ATP9B: variants seen among roughly 807,000 people sequenced by gnomAD.
The protein encoded by ATP9B is probable phospholipid-transporting ATPase IIB.
Under a neutral mutation model 146.1 loss-of-function variants are expected in ATP9B, and 110 were observed. The ratio of observed to expected loss-of-function variants is 0.75; its 90% CI spans 0.65 to 0.88. The LOEUF (loss-of-function observed/expected upper bound fraction) is 0.88. Among genes scored for constraint, ATP9B ranks in the 40% least tolerant of loss-of-function variants. The pLI is 0.00. For synonymous variants in ATP9B, 604 were observed against 569.7 expected (o/e 1.06, Z -0.86); for missense variants, 1,499 against 1,496.4 (o/e 1.00, Z -0.03).
At position 79,307,194 on chromosome 18, in the gene ATP9B, G is replaced by A; in HGVS notation, c.1733G>A (p.Ser578Asn). 1 of 1,614,264 alleles carries A rather than the reference G, an allele frequency of 6.2e-7. No homozygotes were observed. The highest frequency in any genetic ancestry group is 8.5e-7 in the Non-Finnish European group (1 of 1,180,048). ...TTCGCAGAGGCTGACCAAGACTTCA[G>A]TGATGAGAATCGCACCTACCAGGCT... ...TEFAEADQDFSDENRTYQASS... is the reference protein window; with the variant it reads ...TEFAEADQDFNDENRTYQASS... Residue 578 changes from serine to asparagine, a missense_variant, in exon 15 of 30, where the codon AGT (serine) becomes AAT (asparagine). By Grantham distance (46) the Ser-to-Asn change is conservative. Coordinates refer to ENST00000426216, the MANE Select transcript of ATP9B (RefSeq NM_198531.5).
intron 10 of ATP9B, among the ~76,000 whole-genome samples, chr18:79,208,073 G>A (rs962336903): frequency 2.6e-5 from 4 of 152,160 alleles, no homozygotes; most frequent in East Asian, 1.9e-4. Context: ...GTGAAACCCC[G>A]TCTCTACTAA....
intron 13 of ATP9B, among the ~76,000 whole-genome samples, chr18:79,283,065 C>T (rs1184832489): frequency 6.6e-6 from 1 of 152,192 alleles, no homozygotes; most frequent in Non-Finnish European, 1.5e-5. Flanking sequence ...GTATTTACTG[C>T]TAATCGGTTG....
At chr18:79,198,596 A>G (rs1244149815) in intron 9 of ATP9B, among the ~76,000 whole-genome samples, 1 of 152,172 alleles carries the variant, frequency 6.6e-6, no homozygotes, top group Admixed American at 6.5e-5. Context: ...CCTAGGTTAT[A>G]TGGTGTAGCC....
At chr18:79,152,411 G>A (rs1233256915) in intron 6 of ATP9B, among the ~76,000 whole-genome samples, 1 of 152,058 alleles carries the variant, frequency 6.6e-6, no homozygotes, top group Non-Finnish European at 1.5e-5. Context: ...ATGTACTCTG[G>A]TTTGGAGTCT....
In ATP9B at chr18:79,255,474, A is replaced by G. The variant is rs140889141; in HGVS notation, c.1268+1933A>G. ...GTCTCCTTTGTCTCCATACACATGAATGAGCCCTAATCTCCATTGTTGTAT... is the reference window on the plus strand; with the variant it reads ...GTCTCCTTTGTCTCCATACACATGAGTGAGCCCTAATCTCCATTGTTGTAT... On this transcript the variant is annotated intron_variant, in intron 12 of 29. Coordinates refer to ENST00000426216, the MANE Select transcript of ATP9B (RefSeq NM_198531.5). Among the ~76,000 whole-genome samples the G allele has an allele frequency of 2.4e-3, 367 of 152,338 alleles. 2 individuals are homozygous for G. The highest frequency in any genetic ancestry group is 6.4e-3 in the South Asian group (31 of 4,812).
Position 79,113,292 on chromosome 18 carries a change from T to C in ATP9B, c.496T>C (p.Ser166Pro), listed in dbSNP as rs1160173038. The change falls in exon 4 of 30, where the codon TCC (serine) becomes CCC (proline). Residue 166 changes from serine to proline, a missense_variant. By Grantham distance (74) the Ser-to-Pro change is moderately conservative. Transcript: ENST00000426216. ...FFLNLYFLVI[S>P]CSQFVPALKI... Reference sequence around the variant, plus strand: ...CTTGAATCTCTATTTTCTAGTAATATCCTGCTCACAGTTTGTACCAGCATT... The same window carrying C: ...CTTGAATCTCTATTTTCTAGTAATACCCTGCTCACAGTTTGTACCAGCATT... 6.2e-7 allele frequency: 1 copy of C among 1,603,026 alleles called. No individual in the cohort carries two copies. Among genetic ancestry groups the C allele is most frequent in the South Asian group, 1.1e-5 (1 of 89,946 alleles).
At chr18:79,348,219 C>G in intron 25 of ATP9B, 23 bp downstream of exon 25, 1 of 1,396,976 alleles carries the variant, frequency 7.2e-7, no homozygotes, top group East Asian at 2.4e-5. Context: ...CAGAACCTGC[C>G]AGCTCATCCA....
intron 11 of ATP9B, among the ~76,000 whole-genome samples, chr18:79,235,782 C>G (rs571850261): frequency 7.1e-6 from 1 of 140,986 alleles, no homozygotes; most frequent in Admixed American, 7.1e-5. Context: ...GTCTTCTTAT[C>G]TAGTGTGTAG....
chr18:79,253,689 T>C, intron 12 of ATP9B, 148 bp downstream of exon 12: 2 of 852,894 alleles, frequency 2.3e-6, no homozygotes, highest in Non-Finnish European at 1.7e-6. Context: ...GGAATTCTTC[T>C]GTGGAAATGT....
chr18:79,335,436 C>T (rs2096818823), intron 17 of ATP9B, among the ~76,000 whole-genome samples: 1 of 152,256 alleles, frequency 6.6e-6, no homozygotes, highest in Admixed American at 6.5e-5. Context: ...AAAACTGTTG[C>T]ACTTTTACCT....
chr18:79,337,763 G>T (rs1268104859), intron 19 of ATP9B, among the ~76,000 whole-genome samples: 2 of 152,232 alleles, frequency 1.3e-5, no homozygotes, highest in Non-Finnish European at 2.9e-5. Context: ...TCCCAGGGAT[G>T]GTTATGCACC....
intron 11 of ATP9B, among the ~76,000 whole-genome samples, chr18:79,245,278 T>A (rs2095932825): frequency 6.6e-6 from 1 of 152,234 alleles, no homozygotes; most frequent in Non-Finnish European, 1.5e-5. Flanking sequence ...TGTATTAGAC[T>A]GAAAACCAAA....
chr18:79,297,744 G>T (rs1264994863), intron 13 of ATP9B, among the ~76,000 whole-genome samples: 1 of 148,254 alleles, frequency 6.7e-6, no homozygotes, highest in Admixed American at 6.9e-5. Context: ...AGCTACTCAG[G>T]GACTTAGGAT....
chr18:79,336,691 G>T lies in ATP9B; in HGVS notation c.2092G>T (p.Glu698Ter). 1 of 1,613,932 alleles carries T rather than the reference G, an allele frequency of 6.2e-7. No homozygotes were observed. Among genetic ancestry groups the T allele is most frequent in the African/African-American group, 1.3e-5 (1 of 75,066 alleles). The change falls in exon 18 of 30, where the codon GAG becomes TAG. Residue 698 changes from glutamate (E) to a stop codon, truncating the protein, a stop_gained. Transcript: ENST00000426216. LOFTEE classifies it high-confidence loss of function. ...GGTTGCAAAGAAGGCGTTGACAGAG[G>T]AGCAGTACCAGGACTTTGAGGTGAG... is the stretch of plus-strand genomic sequence containing the variant. ...LVVAKKALTE[E>*]QYQDFESRYT... is the part of the protein sequence containing the mutation.
intron 14 of ATP9B, among the ~76,000 whole-genome samples, chr18:79,306,696 A>G (rs1254532060): frequency 2.0e-5 from 3 of 152,242 alleles, no homozygotes; most frequent in Non-Finnish European, 4.4e-5. Context: ...GACATAGCAA[A>G]TTAGTGCCAT....
intron 9 of ATP9B, among the ~76,000 whole-genome samples, chr18:79,200,882 C>G (rs931606343): frequency 2.1e-5 from 3 of 142,536 alleles, no homozygotes; most frequent in African/African-American, 7.7e-5. Context: ...CTGAGGCTCC[C>G]ACACCCTTTT....
At chr18:79,221,010 A>G (rs568556705) in intron 11 of ATP9B, among the ~76,000 whole-genome samples, 42 of 152,318 alleles carry the variant, frequency 2.8e-4, no homozygotes, top group African/African-American at 8.7e-4. Flanking sequence ...TTCCTGGGAT[A>G]TAATTGCCTT....
chr18:79,316,948 A>G (rs1053749897), intron 15 of ATP9B, among the ~76,000 whole-genome samples: 1 of 152,262 alleles, frequency 6.6e-6, no homozygotes, highest in Non-Finnish European at 1.5e-5. Context: ...GTAAGAGTGT[A>G]TAATAAACAA....
At chr18:79,208,862 T>C (rs190935125) in intron 10 of ATP9B, among the ~76,000 whole-genome samples, 13 of 152,320 alleles carry the variant, frequency 8.5e-5, no homozygotes, top group African/African-American at 3.1e-4. Context: ...TTCTGGGCTC[T>C]GTAGGCCTCG....
Sources: gnomAD v4.1 joint callset for allele counts (sites outside exome capture counted in the v4.1 genomes callset) on GRCh38, gnomAD v4.1.1 for gene constraint, MANE v1.5 for transcripts, NCBI Gene and HGNC (gene_info 2026-07-23, HGNC 2026-07-21) for gene names.